Variants in TRMT11 observed in about 807,000 individuals in gnomAD.
TRMT11 encodes the protein tRNA methyltransferase 11.
Under a neutral mutation model 62.8 loss-of-function variants are expected in TRMT11, and 53 were observed. The ratio of observed to expected loss-of-function variants is 0.84; its 90% CI spans 0.68 to 1.06. TRMT11 has a LOEUF of 1.06. Ranked by LOEUF, TRMT11 falls within the 50% of genes least tolerant of loss-of-function variation. TRMT11 has a pLI of 0.00. For missense variants in TRMT11, 556 were observed against 553.4 expected (o/e 1.00, Z -0.05); for synonymous variants, 188 against 190.3 (o/e 0.99, Z 0.10).
At chr6:125,996,175 G>C (rs1318705777) in intron 3 of TRMT11, 135 bp downstream of exon 3, 5 of 568,452 alleles carry the variant, frequency 8.8e-6, no homozygotes, top group African/African-American at 1.9e-5. Context: ...CTGGGTGGCG[G>C]TGGGGGACCA....
intron 7 of TRMT11, among the ~76,000 whole-genome samples, chr6:126,003,376 C>T (rs1446100914): frequency 6.6e-6 from 1 of 152,042 alleles, no homozygotes; most frequent in Non-Finnish European, 1.5e-5. Flanking sequence ...AAAGATTGGA[C>T]CCCTCTGTCC....
chr6:126,256,388 G>T, the TRMT11 span, among the ~76,000 whole-genome samples: 294 of 152,220 alleles, frequency 1.9e-3, 1 homozygote, highest in Middle Eastern at 3.4e-3. Context: ...CTTCCAAATA[G>T]AAAATACATT....
rs754204978 is a variant in TRMT11 at position 126,071,128 on chromosome 6, TCTC to T, written c.*1437+17943_*1437+17945del. On this transcript the variant is annotated intron_variant and NMD_transcript_variant, in intron 17 of 22. Transcript: ENST00000648977. ...TCTTTCCTTCAGAAGTAACAGTTCT[TCTC>T]CTCCCACACGTGAGCCTTTGGATGC... Among the ~76,000 whole-genome samples, 12 of 152,252 alleles carry T rather than the reference TCTC, an allele frequency of 7.9e-5. No homozygotes were observed. The East Asian group carries it at 1.7e-3, about 22-fold the overall frequency.
intron 7 of TRMT11, among the ~76,000 whole-genome samples, chr6:126,000,722 T>G (rs780128288): frequency 1.3e-5 from 2 of 152,082 alleles, no homozygotes; most frequent in African/African-American, 4.8e-5. Context: ...GTCAATAAAT[T>G]TCTAATTGAT....
At chr6:126,235,264 A>G in the TRMT11 span, among the ~76,000 whole-genome samples, 1 of 152,200 alleles carries the variant, frequency 6.6e-6, no homozygotes, top group Non-Finnish European at 1.5e-5. Context: ...GGGAGTGTAA[A>G]TTAGTTCAAC....
chr6:126,172,118 C>T (rs1202833814), intron 21 of TRMT11, among the ~76,000 whole-genome samples: 1 of 151,824 alleles, frequency 6.6e-6, no homozygotes, highest in African/African-American at 2.4e-5. Flanking sequence ...ATTACTTGAT[C>T]AAAATTTAAA....
At chr6:126,179,490 AT>A (rs1778430944) in intron 1 of TRMT11, among the ~76,000 whole-genome samples, 1 of 152,140 alleles carries the variant, frequency 6.6e-6, no homozygotes, top group South Asian at 2.1e-4. Flanking sequence ...TTTTAGAAAC[AT>A]TCCTCACTTG....
chr6:126,011,580 A>T (rs979506600), intron 9 of TRMT11, among the ~76,000 whole-genome samples, 163 bp downstream of exon 9: 1 of 152,174 alleles, frequency 6.6e-6, no homozygotes, highest in South Asian at 2.1e-4. Context: ...TTATGAAGGT[A>T]CTTAACTACC....
intron 1 of TRMT11, among the ~76,000 whole-genome samples, chr6:125,989,237 C>T (rs924013354): frequency 2.0e-5 from 3 of 150,514 alleles, no homozygotes; most frequent in African/African-American, 4.9e-5. Flanking sequence ...AAGTGATTCA[C>T]CTGCCTCAGC....
At chr6:126,136,176 T>G (rs749090931) in intron 21 of TRMT11, among the ~76,000 whole-genome samples, 4 of 151,480 alleles carry the variant, frequency 2.6e-5, no homozygotes, top group Admixed American at 1.3e-4. Flanking sequence ...ACATCCAAAT[T>G]GGAAAGCAGG....
intron 3 of TRMT11, among the ~76,000 whole-genome samples, chr6:125,996,501 C>T (rs927493655): frequency 5.3e-5 from 8 of 152,154 alleles, no homozygotes; most frequent in Non-Finnish European, 7.4e-5. Flanking sequence ...AGTACCAAAT[C>T]TTGGTGTGAA....
intron 21 of TRMT11, among the ~76,000 whole-genome samples, chr6:126,150,251 G>A (rs1778023334): frequency 6.6e-6 from 1 of 152,130 alleles, no homozygotes; most frequent in Non-Finnish European, 1.5e-5. Context: ...GCAGCTTTGG[G>A]ATCCTTTAGA....
chr6:126,152,221 T>C (rs997864494), intron 21 of TRMT11, among the ~76,000 whole-genome samples: 17 of 151,388 alleles, frequency 1.1e-4, no homozygotes, highest in African/African-American at 4.1e-4. Flanking sequence ...GCAGATTAGG[T>C]TGTGGCATGC....
At chr6:126,094,098 C>G (rs1054537061) in intron 17 of TRMT11, among the ~76,000 whole-genome samples, 2 of 151,436 alleles carry the variant, frequency 1.3e-5, no homozygotes, top group Admixed American at 1.3e-4. Flanking sequence ...GTGATACACA[C>G]ACACACACAC....
At chr6:126,191,083 C>T (rs1778593447) in intron 1 of TRMT11, among the ~76,000 whole-genome samples, 2 of 152,168 alleles carry the variant, frequency 1.3e-5, no homozygotes, top group South Asian at 4.1e-4. Context: ...CTTTTCTCTA[C>T]ATCCTCACCA....
chr6:126,270,227 G>A, the TRMT11 span, among the ~76,000 whole-genome samples: 1 of 152,120 alleles, frequency 6.6e-6, no homozygotes, highest in South Asian at 2.1e-4. Flanking sequence ...AGTTACATGA[G>A]TGTAGAAATT....
chr6:126,078,286 A>C (rs942841701), intron 17 of TRMT11, among the ~76,000 whole-genome samples: 2 of 152,198 alleles, frequency 1.3e-5, no homozygotes, highest in South Asian at 2.1e-4. Flanking sequence ...TCATTCCCTC[A>C]TGTAGGAACA....
the TRMT11 span, among the ~76,000 whole-genome samples, chr6:126,268,188 G>C: frequency 6.6e-6 from 1 of 152,138 alleles, no homozygotes; most frequent in African/African-American, 2.4e-5. Context: ...CAGAGAGAAG[G>C]AAACAAGAAG....
the TRMT11 span, among the ~76,000 whole-genome samples, chr6:126,256,196 G>C: frequency 3.3e-5 from 5 of 152,186 alleles, no homozygotes; most frequent in African/African-American, 1.2e-4. Context: ...TATGATGACT[G>C]TGTTTTCTTG....
Sources: allele counts gnomAD v4.1 joint callset (sites outside exome capture counted in the v4.1 genomes callset), GRCh38; gene constraint gnomAD v4.1.1; transcripts MANE v1.5; gene names NCBI Gene and HGNC (gene_info 2026-07-23, HGNC 2026-07-21).